The following SDCCAG8 variants were observed in gnomAD, a reference collection of about 807,000 sequenced individuals.
SDCCAG8 encodes SHH signaling and ciliogenesis regulator SDCCAG8.
SDCCAG8 carries 74 observed loss-of-function variants against 101.8 expected under a neutral mutation model. The ratio of observed to expected loss-of-function variants is 0.73; its 90% CI spans 0.60 to 0.88. The LOEUF (loss-of-function observed/expected upper bound fraction) is 0.88. SDCCAG8 is among the 40% of genes least tolerant of loss of function. SDCCAG8 has a pLI of 0.00. For synonymous variants in SDCCAG8, 281 were observed against 292.9 expected (o/e 0.96, Z 0.41); for missense variants, 787 against 822.6 (o/e 0.96, Z 0.53).
intron 15 of SDCCAG8, among the ~76,000 whole-genome samples, chr1:243,424,585 G>C (rs12131952): frequency 0.028 from 4,304 of 152,028 alleles, 74 homozygotes; most frequent in Middle Eastern, 0.048. Context: ...ATATGTCACA[G>C]TTTTAGATCA....
chr1:243,438,516 T>TTGTGTGTGTGTGTGTG (rs147959124), intron 16 of SDCCAG8, among the ~76,000 whole-genome samples: 77 of 146,516 alleles, frequency 5.3e-4, no homozygotes, highest in African/African-American at 1.8e-3. Flanking sequence ...GTGGGAGTGA[T>TTGTGTGTGTGTGTGTG]TGTGTGTGTG....
At chr1:243,292,131 C>G (rs766606721) in intron 5 of SDCCAG8, among the ~76,000 whole-genome samples, 1 of 152,160 alleles carries the variant, frequency 6.6e-6, no homozygotes, top group Non-Finnish European at 1.5e-5. Context: ...GATGCATTCG[C>G]CAACCCAGAA....
chr1:243,471,293 T>G (rs1433142837), intron 16 of SDCCAG8, among the ~76,000 whole-genome samples: 1 of 152,222 alleles, frequency 6.6e-6, no homozygotes, highest in African/African-American at 2.4e-5. Flanking sequence ...AGGAACAGCC[T>G]TGCCGCTGCT....
In SDCCAG8 at chr1:243,474,402, T is replaced by G. The variant is rs1347381747; in HGVS notation, c.1986-14612T>G. ...CCAGCCTCCCCAAGCCCCGGCCGGC[T>G]GCCCTCCAGGTGCGGGCTCCAGGCC... On this transcript the variant is annotated intron_variant, in intron 16 of 17. Coordinates refer to ENST00000366541, the MANE Select transcript of SDCCAG8 (RefSeq NM_006642.5). This position sits in a 1 kb window ranked among gnomAD's most constrained non-coding sequence, Gnocchi z 4.7. 6.6e-6 allele frequency among the ~76,000 whole-genome samples: 1 copy of G among 151,566 alleles called. No individual in the cohort carries two copies. The highest frequency in any genetic ancestry group is 1.5e-5 in the Non-Finnish European group (1 of 67,906).
intron 13 of SDCCAG8, among the ~76,000 whole-genome samples, chr1:243,385,309 G>A (rs1381348269): frequency 6.6e-6 from 1 of 152,148 alleles, no homozygotes; most frequent in East Asian, 1.9e-4. Context: ...AGGATGGCTT[G>A]AGCCCAGGAG....
chr1:243,372,832 T>A (rs2077368059), intron 12 of SDCCAG8, among the ~76,000 whole-genome samples: 1 of 148,120 alleles, frequency 6.8e-6, no homozygotes, highest in South Asian at 2.1e-4. Flanking sequence ...TTGTCTCTAC[T>A]AACAATTAAA....
At chr1:243,286,129 T>G in intron 4 of SDCCAG8, 143 bp from the exon 5 acceptor site, 1 of 881,994 alleles carries the variant, frequency 1.1e-6, no homozygotes, top group Non-Finnish European at 1.8e-6. Context: ...TTAGGCTGCC[T>G]TGTTTGTCTA....
chr1:243,443,397 A>G (rs932481396), intron 16 of SDCCAG8, among the ~76,000 whole-genome samples: 2 of 152,294 alleles, frequency 1.3e-5, no homozygotes, highest in Non-Finnish European at 2.9e-5. Context: ...TTGCTCTGCC[A>G]GAGGTTGTGT....
intron 12 of SDCCAG8, among the ~76,000 whole-genome samples, chr1:243,375,697 A>G (rs1428237899): frequency 6.6e-6 from 1 of 152,148 alleles, no homozygotes; most frequent in Admixed American, 6.5e-5. Context: ...CTTTGAGAGT[A>G]ATGTACAATT....
chr1:243,468,502 G>A (rs1186968088), intron 16 of SDCCAG8, among the ~76,000 whole-genome samples: 1 of 152,226 alleles, frequency 6.6e-6, no homozygotes, highest in East Asian at 1.9e-4. Flanking sequence ...ACAGGCATGA[G>A]CCACCGTACC....
chr1:243,363,605 A>G, intron 12 of SDCCAG8, among the ~76,000 whole-genome samples: 1 of 152,158 alleles, frequency 6.6e-6, no homozygotes, highest in East Asian at 1.9e-4. Flanking sequence ...GATTTCTCCT[A>G]TTCATTCTAT....
chr1:243,441,053 C>G (rs2148093182), intron 16 of SDCCAG8, among the ~76,000 whole-genome samples: 1 of 152,242 alleles, frequency 6.6e-6, no homozygotes, highest in East Asian at 1.9e-4. Context: ...TTTTCTCCTT[C>G]TTATCTATGG....
At chr1:243,356,917 A>T (rs544408041) in intron 12 of SDCCAG8, among the ~76,000 whole-genome samples, 162 of 151,944 alleles carry the variant, frequency 1.1e-3, no homozygotes, top group African/African-American at 3.6e-3. Context: ...AGGATCACTC[A>T]CACCCAGAAG....
At chr1:243,258,674 G>A (rs1259468087) in intron 1 of SDCCAG8, among the ~76,000 whole-genome samples, 1 of 152,122 alleles carries the variant, frequency 6.6e-6, no homozygotes, top group African/African-American at 2.4e-5. Context: ...CAAAGTCTGG[G>A]GTTATAGGCG....
chr1:243,337,841 A>C (rs2075116420), intron 10 of SDCCAG8, among the ~76,000 whole-genome samples: 1 of 152,106 alleles, frequency 6.6e-6, no homozygotes, highest in Admixed American at 6.6e-5. Context: ...TATTAGTTTG[A>C]ATGAACTTGG....
At chr1:243,365,885 A>T (rs1486319315) in intron 12 of SDCCAG8, among the ~76,000 whole-genome samples, 1 of 152,094 alleles carries the variant, frequency 6.6e-6, no homozygotes, top group Non-Finnish European at 1.5e-5. Context: ...CATCTGAAGC[A>T]TATGTAGAAG....
At chr1:243,491,918 T>G (rs1418581439) in intron 17 of SDCCAG8, among the ~76,000 whole-genome samples, 1 of 152,156 alleles carries the variant, frequency 6.6e-6, no homozygotes, top group Non-Finnish European at 1.5e-5. Context: ...ATTTTGCATG[T>G]CAAACTCTAA....
chr1:243,329,957 C>T (rs928087127), intron 9 of SDCCAG8, among the ~76,000 whole-genome samples: 12 of 152,012 alleles, frequency 7.9e-5, no homozygotes, highest in African/African-American at 2.2e-4. Flanking sequence ...ATTTAACTTA[C>T]GATTATTACA....
intron 10 of SDCCAG8, among the ~76,000 whole-genome samples, chr1:243,332,454 G>GTCTGGAGGTGATTATCATAATCCCCC (rs1460055115): frequency 5.3e-5 from 8 of 151,714 alleles, no homozygotes; most frequent in Admixed American, 1.3e-4. Flanking sequence ...CACAGTCCAG[G>GTCTGGAGGTGATTATCATAATCCCCC]TCTGGAGGTG....
Sources: allele counts gnomAD v4.1 joint callset (sites outside exome capture counted in the v4.1 genomes callset), GRCh38; gene constraint gnomAD v4.1.1; non-coding constraint Gnocchi (gnomAD v3.1); transcripts MANE v1.5; gene names NCBI Gene and HGNC (gene_info 2026-07-23, HGNC 2026-07-21).